The following APC2 variants were observed in gnomAD, a reference collection of about 807,000 sequenced individuals.
APC2 encodes adenomatous polyposis coli protein 2.
APC2 carries 41 observed loss-of-function variants against 72.5 expected under a neutral mutation model. The observed-to-expected ratio is 0.57, with a 90% CI of 0.44 to 0.73. APC2 has a LOEUF of 0.73. Among genes scored for constraint, APC2 ranks in the 30% least tolerant of loss-of-function variants. APC2 has a pLI of 0.00. For missense variants in APC2, 3,729 were observed against 3,403.4 expected, an observed-to-expected ratio of 1.10 and a Z score of -2.38; for synonymous variants, 1,898 against 1,612.0, an observed-to-expected ratio of 1.18 and a Z score of -4.25.
At chr19:1,457,748 T>G (rs2083857941) in intron 9 of APC2, 1 of 599,306 alleles carries the variant, frequency 1.7e-6, no homozygotes, top group Non-Finnish European at 3.0e-6. Flanking sequence ...GGTGTGGTGC[T>G]CCAGGAACTA....
upstream of APC2, chr19:1,446,385 G>C (rs1183710441): frequency 1.2e-5 from 12 of 984,040 alleles, no homozygotes; most frequent in Non-Finnish European, 1.4e-5. This position sits in a 1 kb window ranked among gnomAD's most constrained non-coding sequence, Gnocchi z 6.1. Context: ...TCCGGGCCGC[G>C]CAGGAACGGG....
chr19:1,469,937 G>A lies in APC2; in HGVS notation c.6636G>A (p.Arg2212=), dbSNP rs1289799521. 2 of 1,512,910 alleles carry A rather than the reference G, an allele frequency of 1.3e-6. No individual in the cohort carries two copies. The highest frequency in any genetic ancestry group is 1.4e-5 in the African/African-American group (1 of 70,256). 93.7% of individuals were successfully genotyped at this position (1,512,910 alleles called of 1,614,324 possible). Residue 2212 remains arginine (R), a synonymous_variant, in exon 15 of 15, where the codon AGG becomes AGA. Transcript: ENST00000590469. ...NSSTSPSLET[R]EPPGAPAGGQ... Reference sequence around the variant, plus strand: ...GCACGTCCCCGAGCCTGGAGACCAGGGAGCCCCCCGGGGCCCCCGCCGGCG... The same window carrying A: ...GCACGTCCCCGAGCCTGGAGACCAGAGAGCCCCCCGGGGCCCCCGCCGGCG...
At position 1,466,272 on chromosome 19, in the gene APC2, C is replaced by T. The variant is rs1424211536; in HGVS notation, c.2971C>T (p.Arg991Cys). 3.3e-6 allele frequency: 5 copies of T among 1,530,070 alleles called. No individual in the cohort carries two copies. The highest frequency in any genetic ancestry group is 1.2e-5 in the South Asian group (1 of 81,342). 94.8% of individuals were successfully genotyped at this position (1,530,070 alleles called of 1,614,324 possible). ...REATSADARV[R>C]TIKLSPTYQH... ...GGCCACCTCCGCCGACGCCCGCGTG[C>T]GCACCATCAAGCTGTCGCCTACCTA... The change falls in exon 15 of 15, where the codon CGC (arginine) becomes TGC (cysteine). Residue 991 changes from arginine (R) to cysteine (C), a missense_variant. Transcript: ENST00000590469.
rs997880555 is a variant in APC2 at position 1,452,864 on chromosome 19, C to A, written c.-18-120C>A. On this transcript the variant is annotated intron_variant, in intron 1 of 14. Transcript: ENST00000590469. This position sits in a 1 kb window ranked among gnomAD's most constrained non-coding sequence, Gnocchi z 5.1. ...CCACACCAGTGACTCCTGCCTGAGA[C>A]CCCCCCCAACCCAGGATCAGGCAGG... is the stretch of plus-strand genomic sequence containing the variant. 2 of 1,145,836 alleles carry A rather than the reference C, an allele frequency of 1.7e-6. No homozygotes were observed. The highest frequency in any genetic ancestry group is 2.4e-6 in the Non-Finnish European group (2 of 846,774). The allele number at this position is 1,145,836 out of a possible 1,614,324, so 71.0% of individuals were successfully genotyped here.
In APC2 at chr19:1,457,032, CGGGGCCCCA is replaced by C. The variant is rs1246846865; in HGVS notation, c.1002_1010del (p.Pro338_Ala340del). 21 of 1,527,708 alleles carry C rather than the reference CGGGGCCCCA, an allele frequency of 1.4e-5. No homozygotes were observed. The Admixed American group carries it at 1.8e-4, about 13-fold the overall frequency. The allele number at this position is 1,527,708 out of a possible 1,614,324, so 94.6% of individuals were successfully genotyped here. Reference sequence around the variant, plus strand: ...CCGAGGCCGCGGCCGGGGGTCGCGCCGGGGCCCCAGGGGCACCGGGCGCCAAGGACGCAC... The same window carrying C: ...CCGAGGCCGCGGCCGGGGGTCGCGCCGGGGCACCGGGCGCCAAGGACGCAC... On this transcript the variant is annotated inframe_deletion, in exon 9 of 15. Coordinates refer to ENST00000590469, the MANE Select transcript of APC2 (RefSeq NM_005883.3).
intron 14 of APC2, among the ~76,000 whole-genome samples, chr19:1,463,416 CAAAA>C (rs77093731): frequency 2.0e-5 from 2 of 98,588 alleles, no homozygotes; most frequent in African/African-American, 3.5e-5. Flanking sequence ...GACTCTGTCT[CAAAA>C]AAAAAAAAAA....
rs767856577 is a variant in APC2, at chr19:1,456,844, T to C, written c.817-9T>C. 6.3e-7 allele frequency: 1 copy of C among 1,590,944 alleles called. No homozygotes were observed. Among genetic ancestry groups the C allele is most frequent in the Non-Finnish European group, 8.5e-7 (1 of 1,174,608 alleles). ...GAGGGACCCCACCCTGACCCTGCCC[T>C]CCCCCCAGGTGGAGGTGGTCTTCTG... On this transcript the variant is annotated splice_polypyrimidine_tract_variant and intron_variant, in intron 8 of 14. Transcript: ENST00000590469.
At position 1,456,087 on chromosome 19, in the gene APC2, G is replaced by C; in HGVS notation, c.651G>C (p.Ser217=). 2 of 1,579,378 alleles carry C rather than the reference G, an allele frequency of 1.3e-6. No individual in the cohort carries two copies. The highest frequency in any genetic ancestry group is 2.3e-5 in the East Asian group (1 of 43,510). The part of the protein sequence containing the change: ...EMVQRAQIRA[S]RLEQIDKELL... ...GTGGTCCTGAGCAGATCCGCGCCTC[G>C]CGCCTGGAGCAGATTGACAAGGAGC... The change falls in exon 7 of 15, where the codon TCG becomes TCC. Residue 217 remains serine, a synonymous_variant. Coordinates refer to ENST00000590469, the MANE Select transcript of APC2 (RefSeq NM_005883.3).
At position 1,458,148 on chromosome 19, in the gene APC2, C is replaced by T. The variant is rs2145202953; in HGVS notation, c.1303+88C>T. On this transcript the variant is annotated intron_variant, in intron 10 of 14. Transcript: ENST00000590469. Reference sequence around the variant, plus strand: ...GCCGCTAAAGGGACACAGGCTGGGTCATCTGAGCTTGGGCTGGGGATTGGA... The same window carrying T: ...GCCGCTAAAGGGACACAGGCTGGGTTATCTGAGCTTGGGCTGGGGATTGGA... 3.2e-6 allele frequency: 4 copies of T among 1,256,110 alleles called. No homozygotes were observed. The South Asian group carries it at 3.9e-5, about 12-fold the overall frequency. 77.8% of individuals were successfully genotyped at this position (1,256,110 alleles called of 1,614,324 possible).
At position 1,456,406 on chromosome 19, in the gene APC2, T is replaced by G. The variant is rs1599137229; in HGVS notation, c.816+2T>G. 1 of 1,595,806 alleles carries G rather than the reference T, an allele frequency of 6.3e-7. No homozygotes were observed. Among genetic ancestry groups the G allele is most frequent in the Non-Finnish European group, 8.5e-7 (1 of 1,172,696 alleles). On this transcript the variant is annotated splice_donor_variant, in intron 8 of 14. Transcript: ENST00000590469. LOFTEE classifies it high-confidence loss of function. ...ACCCCTCAGCCGGGCAACAGCAAGG[T>G]GAGGGGGAGGGTGAAACGGGGGCTG... is the stretch of plus-strand genomic sequence containing the variant.
In APC2 at chr19:1,466,670, C is replaced by T. The variant is rs758399348; in HGVS notation, c.3369C>T (p.Pro1123=). ...GGGCGCCCGGGGCCACCTCGCTGCC[C>T]GTAGCCATTCCGGCTCCCCGGCGTA... The part of the protein sequence containing the change: ...TWRAPGATSL[P]VAIPAPRRNR... Residue 1123 remains proline, a synonymous_variant, in exon 15 of 15, where the codon CCC becomes CCT. Transcript: ENST00000590469. The T allele has an allele frequency of 2.0e-6, 3 of 1,503,810 alleles. No individual in the cohort carries two copies. The highest frequency in any genetic ancestry group is 2.0e-5 in the Admixed American group (1 of 48,892). 93.2% of individuals were successfully genotyped at this position (1,503,810 alleles called of 1,614,324 possible).
intron 8 of APC2, 134 bp from the exon 9 acceptor site, chr19:1,456,719 G>A (rs1334179731): frequency 6.2e-5 from 73 of 1,174,222 alleles, no homozygotes; most frequent in Middle Eastern, 5.6e-4. Context: ...GCCTCCTAGC[G>A]TCCCCTCATC....
intron 9 of APC2, 143 bp downstream of exon 9, chr19:1,457,386 G>GC (rs2083851342): frequency 8.1e-7 from 1 of 1,239,256 alleles, no homozygotes; most frequent in Non-Finnish European, 1.1e-6. Flanking sequence ...GCCGAGGCCT[G>GC]TGGGGGCATT....
At chr19:1,459,037 C>G (rs1301851338) in intron 10 of APC2, among the ~76,000 whole-genome samples, 2 of 152,066 alleles carry the variant, frequency 1.3e-5, no homozygotes, top group East Asian at 3.9e-4. Flanking sequence ...CATCCTGTCC[C>G]CAGCCCCTGG....
chr19:1,453,566 T>A lies in APC2; in HGVS notation c.368T>A (p.Leu123Gln). Residue 123 changes from leucine to glutamine, a missense_variant, in exon 4 of 15, where the codon CTG becomes CAG. By Grantham distance (113) the Leu-to-Gln change is moderately radical (BLOSUM62 -2). Transcript: ENST00000590469. ...CCCTCCAAGGACAGCTTTGGGGAGC[T>A]GAGCCGGGCCACCATCCGGCTGCTG... is the stretch of plus-strand genomic sequence containing the variant. ...SGPSKDSFGE[L>Q]SRATIRLLEE... 1 of 1,610,618 alleles carries A rather than the reference T, an allele frequency of 6.2e-7. No homozygotes were observed. The highest frequency in any genetic ancestry group is 8.5e-7 in the Non-Finnish European group (1 of 1,179,110).
chr19:1,466,196 C>T lies in APC2; in HGVS notation c.2895C>T (p.Ser965=). 6.4e-7 allele frequency: 1 copy of T among 1,556,548 alleles called. No individual in the cohort carries two copies. Residue 965 remains serine, a synonymous_variant, in exon 15 of 15, where the codon AGC becomes AGT. Transcript: ENST00000590469. ...CCAGGTGTGGGCAGCCTCGGCCCAG[C>T]CGGCTTGACCTTGACCTGCCCGGCT... ...EDPRCGQPRP[S]RLDLDLPGCQ...
upstream of APC2, among the ~76,000 whole-genome samples, chr19:1,446,634 G>A (rs1368386104): frequency 7.9e-5 from 12 of 152,046 alleles, no homozygotes. The surrounding 1 kb of genome is among the most constrained non-coding windows in gnomAD (Gnocchi z 6.1). Flanking sequence ...GGAGACCCTC[G>A]GACCCCTCCT....
At chr19:1,460,448 C>G in intron 11 of APC2, 128 bp downstream of exon 11, 1 of 1,415,302 alleles carries the variant, frequency 7.1e-7, no homozygotes, top group Non-Finnish European at 9.7e-7. Flanking sequence ...AACTTACAGA[C>G]GGGTAGACTG....
rs898334231 is a variant in APC2, at chr19:1,471,074, GC to G, written c.*864del. On this transcript the variant is annotated 3_prime_UTR_variant, in exon 15 of 15. Transcript: ENST00000590469. ...CCAAGGGTCGCTGGAGTCAGTATCG[GC>G]CCGGCGCAGCCGCGGCGGGCGAGGC... is the stretch of plus-strand genomic sequence containing the variant. 1 of 152,190 alleles carries G rather than the reference GC, an allele frequency of 6.6e-6. No individual in the cohort carries two copies. Among genetic ancestry groups the G allele is most frequent in the Non-Finnish European group, 1.5e-5 (1 of 68,086 alleles). The allele number at this position is 152,190 out of a possible 1,614,324, so 9.4% of individuals were successfully genotyped here. A position where few individuals can be genotyped will look rare whatever the true frequency, so the allele number is the denominator to read the frequency against.
Sources: allele counts gnomAD v4.1 joint callset (sites outside exome capture counted in the v4.1 genomes callset), GRCh38; gene constraint gnomAD v4.1.1; non-coding constraint Gnocchi (gnomAD v3.1); transcripts MANE v1.5; gene names NCBI Gene and HGNC (gene_info 2026-07-23, HGNC 2026-07-21).